PKD2: variants seen among roughly 807,000 people sequenced by gnomAD.
The protein encoded by PKD2 is polycystin 2, transient receptor potential cation channel.
Under a neutral mutation model 105.9 loss-of-function variants are expected in PKD2, and 48 were observed. The ratio of observed to expected loss-of-function variants is 0.45; its 90% CI spans 0.36 to 0.58. The LOEUF is 0.58. Ranked by LOEUF, PKD2 falls within the 20% of genes least tolerant of loss-of-function variation. The probability of loss-of-function intolerance (pLI) is 0.00; values close to 1 mark genes in which losing one functional copy is unlikely to be tolerated. For synonymous variants in PKD2, 464 were observed against 481.1 expected, an observed-to-expected ratio of 0.96 and a Z score of 0.46; for missense variants, 1,078 against 1,255.3, an observed-to-expected ratio of 0.86 and a Z score of 2.13.
intron 4 of PKD2, among the ~76,000 whole-genome samples, chr4:88,039,434 G>T (rs917423129): frequency 6.6e-6 from 1 of 152,104 alleles, no homozygotes; most frequent in Non-Finnish European, 1.5e-5. Flanking sequence ...GAAAGCCAAG[G>T]CGGACAGATC....
At chr4:88,060,571 C>T (rs1214320040) in intron 9 of PKD2, among the ~76,000 whole-genome samples, 2 of 151,600 alleles carry the variant, frequency 1.3e-5, no homozygotes, top group South Asian at 4.2e-4. Context: ...TAGGCCCTTA[C>T]GAAGATTCCT....
rs752559695 is a variant in PKD2 at position 88,065,813 on chromosome 4, A to G, written c.2292A>G (p.Gln764=). ...AGGCAATATTCACAAAGTACGACCA[A>G]GATGGAGACCAAGAACTGACCGAAC... ...EIEAIFTKYD[Q]DGDQELTEHE... The change falls in exon 12 of 15, where the codon CAA becomes CAG. Residue 764 remains glutamine (Q), a synonymous_variant. Coordinates refer to ENST00000237596, the MANE Select transcript of PKD2 (RefSeq NM_000297.4). 6 of 1,613,916 alleles carry G rather than the reference A, an allele frequency of 3.7e-6. No homozygotes were observed. The highest frequency in any genetic ancestry group is 4.2e-6 in the Non-Finnish European group (5 of 1,179,792).
At chr4:88,015,505 C>G (rs767018512) in intron 1 of PKD2, among the ~76,000 whole-genome samples, 3 of 151,098 alleles carry the variant, frequency 2.0e-5, no homozygotes, top group Non-Finnish European at 3.0e-5. Context: ...CTCCGCCTCC[C>G]GGGTTCAAGC....
intron 3 of PKD2, among the ~76,000 whole-genome samples, chr4:88,037,725 T>C (rs1018557356): frequency 6.6e-6 from 1 of 152,200 alleles, no homozygotes; most frequent in Admixed American, 6.5e-5. Context: ...CAAGAGACTT[T>C]TGTATACACA....
intron 7 of PKD2, 52 bp downstream of exon 7, chr4:88,052,210 A>C: frequency 8.6e-7 from 1 of 1,162,376 alleles, no homozygotes; most frequent in Non-Finnish European, 1.3e-6. Flanking sequence ...TCTTTAAAAA[A>C]AATGAGTTCC....
intron 6 of PKD2, among the ~76,000 whole-genome samples, chr4:88,048,455 G>A (rs1299294694): frequency 6.6e-6 from 1 of 152,092 alleles, no homozygotes; most frequent in Non-Finnish European, 1.5e-5. Context: ...ATATTGCATG[G>A]CAATAACTAT....
In PKD2 at chr4:88,008,318, C is replaced by T. The variant is rs1000043324; in HGVS notation, c.585C>T (p.Arg195=). ...TGGCCTGGGCGGAGAGGCTGGTTCG[C>T]GGGCTGCGAGGTAAGAGCGCGCGAC... is the stretch of plus-strand genomic sequence containing the variant. The part of the protein sequence containing the change: ...PRVAWAERLV[R]GLRGLWGTRL... Residue 195 remains arginine (R), a synonymous_variant, in exon 1 of 15, where the codon CGC becomes CGT. Coordinates refer to ENST00000237596, the MANE Select transcript of PKD2 (RefSeq NM_000297.4). 4 of 1,487,504 alleles carry T rather than the reference C, an allele frequency of 2.7e-6. No homozygotes were observed. The highest frequency in any genetic ancestry group is 3.6e-6 in the Non-Finnish European group (4 of 1,122,118). 92.1% of individuals were successfully genotyped at this position (1,487,504 alleles called of 1,614,324 possible).
Position 88,038,454 on chromosome 4 carries a change from T to C in PKD2, c.1047T>C (p.Ser349=). The change falls in exon 4 of 15, where the codon TCT becomes TCC. Residue 349 remains serine, a synonymous_variant. Transcript: ENST00000237596. ...DEIKECYDVY[S]VSSEDRAPFG... is the part of the protein sequence containing the mutation. The stretch of plus-strand genomic sequence containing the variant: ...TTAAAGAGTGCTATGATGTCTACTC[T>C]GTCAGTAGTGAAGATAGGGCTCCCT... 1.2e-6 allele frequency: 2 copies of C among 1,613,482 alleles called. No homozygotes were observed. Among genetic ancestry groups the C allele is most frequent in the Non-Finnish European group, 1.7e-6 (2 of 1,179,414 alleles).
At chr4:88,011,493 G>A (rs373809791) in intron 1 of PKD2, among the ~76,000 whole-genome samples, 2 of 151,958 alleles carry the variant, frequency 1.3e-5, no homozygotes, top group African/African-American at 4.8e-5. Flanking sequence ...TGAATACCTG[G>A]AATAATGAAT....
chr4:88,048,737 TACA>T (rs555780194), intron 6 of PKD2, among the ~76,000 whole-genome samples: 15 of 152,182 alleles, frequency 9.9e-5, no homozygotes, highest in Non-Finnish European at 2.2e-4. Flanking sequence ...ACGATGGCCA[TACA>T]ACATCACACA....
At chr4:88,040,329 A>G (rs1467939224) in intron 4 of PKD2, among the ~76,000 whole-genome samples, 1 of 152,168 alleles carries the variant, frequency 6.6e-6, no homozygotes, top group Non-Finnish European at 1.5e-5. Context: ...TCCTGAGGGC[A>G]GGGATTCTAT....
chr4:88,053,208 A>C (rs1023226063), intron 7 of PKD2, among the ~76,000 whole-genome samples: 1 of 152,202 alleles, frequency 6.6e-6, no homozygotes, highest in African/African-American at 2.4e-5. Context: ...CTGGCCACAC[A>C]TTAAGTGTTC....
Position 88,036,202 on chromosome 4 carries a change from G to T in PKD2, c.710-18G>T. 1 of 1,613,762 alleles carries T rather than the reference G, an allele frequency of 6.2e-7. No homozygotes were observed. ...CCGGTTCCCTTGGGGCGTTCATTTGGATCTTTCTGTGTTCCAGTGACCTAC... is the reference window on the plus strand; with the variant it reads ...CCGGTTCCCTTGGGGCGTTCATTTGTATCTTTCTGTGTTCCAGTGACCTAC... On this transcript the variant is annotated intron_variant, in intron 2 of 14. Coordinates refer to ENST00000237596, the MANE Select transcript of PKD2 (RefSeq NM_000297.4).
intron 13 of PKD2, among the ~76,000 whole-genome samples, chr4:88,072,686 G>C (rs1721076849): frequency 6.6e-6 from 1 of 152,178 alleles, no homozygotes; most frequent in Non-Finnish European, 1.5e-5. Flanking sequence ...TGGAAGAAGA[G>C]AGCCCCATTC....
At chr4:88,049,497 T>TA (rs1727896333) in intron 6 of PKD2, among the ~76,000 whole-genome samples, 1 of 152,234 alleles carries the variant, frequency 6.6e-6, no homozygotes, top group African/African-American at 2.4e-5. Context: ...CAACACTTAA[T>TA]ACTGCCAGAC....
rs752559695 is a variant in PKD2 at position 88,065,813 on chromosome 4, A to T, written c.2292A>T (p.Gln764His). ...AGGCAATATTCACAAAGTACGACCA[A>T]GATGGAGACCAAGAACTGACCGAAC... ...EIEAIFTKYD[Q>H]DGDQELTEHE... The change falls in exon 12 of 15, where the codon CAA becomes CAT. Residue 764 changes from glutamine to histidine, a missense_variant. Gln to His is a conservative substitution (Grantham distance 24). Around this residue, in one of 2 missense-constraint regions of PKD2, gnomAD observed 868 missense variants for 1,067.3 expected, o/e 0.81. Transcript: ENST00000237596. 1 of 1,613,798 alleles carries T rather than the reference A, an allele frequency of 6.2e-7. No homozygotes were observed. Among genetic ancestry groups the T allele is most frequent in the Non-Finnish European group, 8.5e-7 (1 of 1,179,800 alleles).
intron 7 of PKD2, among the ~76,000 whole-genome samples, chr4:88,053,993 A>G (rs1309802915): frequency 2.6e-5 from 4 of 152,206 alleles, no homozygotes; most frequent in Non-Finnish European, 5.9e-5. Flanking sequence ...TGGATAGCAC[A>G]GTCAGAGCCT....
chr4:88,037,737 T>C (rs774148504), intron 3 of PKD2, among the ~76,000 whole-genome samples: 1 of 152,172 alleles, frequency 6.6e-6, no homozygotes. Flanking sequence ...GTATACACAT[T>C]CCATGATGAT....
intron 12 of PKD2, among the ~76,000 whole-genome samples, 180 bp downstream of exon 12, chr4:88,066,059 T>A (rs1282605445): frequency 6.6e-6 from 1 of 152,148 alleles, no homozygotes; most frequent in Non-Finnish European, 1.5e-5. Flanking sequence ...TATAACACAA[T>A]TATGTATAAA....
Sources: gnomAD v4.1 joint callset for allele counts (sites outside exome capture counted in the v4.1 genomes callset) on GRCh38, gnomAD v4.1.1 for gene constraint, gnomAD v4.1.1 regional missense constraint, MANE v1.5 for transcripts, NCBI Gene and HGNC (gene_info 2026-07-23, HGNC 2026-07-21) for gene names.